Variants in STX1B observed in about 807,000 individuals in gnomAD.
The protein encoded by STX1B is syntaxin 1B.
A neutral mutation model predicts 39.4 loss-of-function variants in STX1B; 7 were observed. That is an observed-to-expected ratio of 0.18 (90% CI 0.10 to 0.33). The LOEUF is 0.33. Ranked by LOEUF, STX1B falls within the 10% of genes least tolerant of loss-of-function variation. The probability of loss-of-function intolerance (pLI) is 1.00; values close to 1 mark genes in which losing one functional copy is unlikely to be tolerated. For missense variants in STX1B, 198 were observed against 383.2 expected (o/e 0.52, Z 4.04); for synonymous variants, 136 against 144.1 (o/e 0.94, Z 0.40).
rs61738725 is a variant in STX1B, at chr16:30,990,167, C to A, written c.*2654G>T. 6.6e-6 allele frequency: 1 copy of A among 151,982 alleles called. No individual in the cohort carries two copies. Among genetic ancestry groups the A allele is most frequent in the Non-Finnish European group, 1.5e-5 (1 of 67,976 alleles). 9.4% of individuals were successfully genotyped at this position (151,982 alleles called of 1,614,324 possible). The stretch of plus-strand genomic sequence containing the variant: ...AGTGGTGCCCCAGCCACGCTTCAAC[C>A]CTTCTCCTGTGGCCCCAAGGCCGTG... On this transcript the variant is annotated 3_prime_UTR_variant, in exon 10 of 10. Coordinates refer to ENST00000215095, the MANE Select transcript of STX1B (RefSeq NM_052874.5).
intron 4 of STX1B, among the ~76,000 whole-genome samples, chr16:30,999,405 C>T (rs567908132): frequency 2.9e-4 from 44 of 152,256 alleles, no homozygotes; most frequent in Admixed American, 5.9e-4. Flanking sequence ...CAATGTGCCT[C>T]GGACATTGGA....
Position 31,001,525 on chromosome 16 carries a change from T to C in STX1B, c.105+4A>G. On this transcript the variant is annotated splice_donor_region_variant and intron_variant, in intron 2 of 9. Transcript: ENST00000215095. The surrounding 1 kb of genome is among the most constrained non-coding windows in gnomAD (Gnocchi z 5.5). ...TGGGGCTGGGGGCCTTGGAGGCCCA[T>C]TACCTGTTCAAAGAACTCATCCATG... 2 of 1,607,440 alleles carry C rather than the reference T, an allele frequency of 1.2e-6. No homozygotes were observed. The highest frequency in any genetic ancestry group is 1.7e-6 in the Non-Finnish European group (2 of 1,177,436).
chr16:31,002,046 C>G (rs1044802910), intron 1 of STX1B, among the ~76,000 whole-genome samples: 1 of 152,156 alleles, frequency 6.6e-6, no homozygotes. Flanking sequence ...TCCTGCCCCA[C>G]CTGACCAGAC....
In STX1B at chr16:30,991,366, G is replaced by T. The variant is rs12932701; in HGVS notation, c.*1455C>A. 1 of 152,734 alleles carries T rather than the reference G, an allele frequency of 6.5e-6. No individual in the cohort carries two copies. The highest frequency in any genetic ancestry group is 6.5e-5 in the Admixed American group (1 of 15,290). 9.5% of individuals were successfully genotyped at this position (152,734 alleles called of 1,614,324 possible). On this transcript the variant is annotated 3_prime_UTR_variant, in exon 10 of 10. Transcript: ENST00000215095. The stretch of plus-strand genomic sequence containing the variant: ...GCATGCAGAGCCCTGAGGCTGGGCA[G>T]GCAGGGAGCTCTGCCTGCACAATGA...
In STX1B at chr16:31,001,491, G is replaced by GTCT. The variant is rs764179561; in HGVS notation, c.105+37_105+38insAGA. ...ACTAGGGGCTGGGGCTGGGTGCTGG[G>GTCT]GCTGGGGCTGGGGCTGGGGGCCTTG... On this transcript the variant is annotated intron_variant, in intron 2 of 9. Transcript: ENST00000215095. This position sits in a 1 kb window ranked among gnomAD's most constrained non-coding sequence, Gnocchi z 5.5. 5.4e-5 allele frequency: 80 copies of GTCT among 1,495,030 alleles called. No homozygotes were observed. Among genetic ancestry groups the GTCT allele is most frequent in the Non-Finnish European group, 1.7e-5 (19 of 1,093,306 alleles). The allele number at this position is 1,495,030 out of a possible 1,614,324, so 92.6% of individuals were successfully genotyped here.
At chr16:31,006,321 C>G (rs1171723709) in intron 1 of STX1B, among the ~76,000 whole-genome samples, 2 of 152,194 alleles carry the variant, frequency 1.3e-5, no homozygotes, top group African/African-American at 4.8e-5. Context: ...CCCTCTCACC[C>G]TGACCTCTCT....
rs906468962 is a variant in STX1B at position 30,992,740 on chromosome 16, G to A, written c.*81C>T. Reference sequence around the variant, plus strand: ...GTTTTGGGAGTGAGCCTGGAGCAGGGGATGGAGTGAAAGGGGTGGTGGGGG... The same window carrying A: ...GTTTTGGGAGTGAGCCTGGAGCAGGAGATGGAGTGAAAGGGGTGGTGGGGG... On this transcript the variant is annotated 3_prime_UTR_variant, in exon 10 of 10. Transcript: ENST00000215095. 2 of 845,360 alleles carry A rather than the reference G, an allele frequency of 2.4e-6. No individual in the cohort carries two copies. The highest frequency in any genetic ancestry group is 3.9e-6 in the Non-Finnish European group (2 of 514,494). 52.4% of individuals were successfully genotyped at this position (845,360 alleles called of 1,614,324 possible). A position where few individuals can be genotyped will look rare whatever the true frequency, so the allele number is the denominator to read the frequency against.
At position 30,989,614 on chromosome 16, in the gene STX1B, CAG is replaced by C. The variant is rs1223149357; in HGVS notation, c.*3205_*3206del. 2.0e-5 allele frequency: 3 copies of C among 152,312 alleles called. No individual in the cohort carries two copies. Among genetic ancestry groups the C allele is most frequent in the East Asian group, 1.9e-4 (1 of 5,174 alleles). The allele number at this position is 152,312 out of a possible 1,614,324, so 9.4% of individuals were successfully genotyped here. On this transcript the variant is annotated 3_prime_UTR_variant, in exon 10 of 10. Transcript: ENST00000215095. Reference sequence around the variant, plus strand: ...TACATCACGTGACACGCCAGTGACACAGAAACACACGCCAACGCACACGGCTG... The same window carrying C: ...TACATCACGTGACACGCCAGTGACACAAACACACGCCAACGCACACGGCTG...
chr16:30,994,401 T>C (rs145995810), intron 7 of STX1B, among the ~76,000 whole-genome samples: 1,352 of 134,304 alleles, frequency 0.01, 15 homozygotes, highest in Non-Finnish European at 0.016. Flanking sequence ...CTGGGCAACA[T>C]AGTGAGACTT....
chr16:30,994,602 AAG>A (rs1445546836), intron 7 of STX1B, among the ~76,000 whole-genome samples: 1 of 136,652 alleles, frequency 7.3e-6, no homozygotes, highest in African/African-American at 2.6e-5. Flanking sequence ...AAAAAAAAAA[AAG>A]AAAGCCAGTG....
In STX1B at chr16:31,001,382, G is replaced by A; in HGVS notation, c.105+147C>T. The A allele has an allele frequency of 1.2e-6, 1 of 817,200 alleles. No individual in the cohort carries two copies. Among genetic ancestry groups the A allele is most frequent in the Non-Finnish European group, 1.9e-6 (1 of 515,304 alleles). 50.6% of individuals were successfully genotyped at this position (817,200 alleles called of 1,614,324 possible). A position where few individuals can be genotyped will look rare whatever the true frequency, so the allele number is the denominator to read the frequency against. ...TCGGTGGCTAGGGGCTGGGTGCCGG[G>A]GCTGCGGCTGGGCGGTGGGACTAGG... On this transcript the variant is annotated intron_variant, in intron 2 of 9. Coordinates refer to ENST00000215095, the MANE Select transcript of STX1B (RefSeq NM_052874.5). This position sits in a 1 kb window ranked among gnomAD's most constrained non-coding sequence, Gnocchi z 5.5.
intron 7 of STX1B, among the ~76,000 whole-genome samples, chr16:30,994,421 C>CAAAA (rs543652303): frequency 0.088 from 9,739 of 111,014 alleles, 1,246 homozygotes; most frequent in African/African-American, 0.33. Flanking sequence ...TTGTTTCTAT[C>CAAAA]AAAAAAAAAA....
intron 6 of STX1B, 52 bp downstream of exon 6, chr16:30,996,899 G>A (rs1271235395): frequency 6.3e-7 from 1 of 1,576,094 alleles, no homozygotes; most frequent in Non-Finnish European, 8.7e-7. Flanking sequence ...CCTGGAAGGG[G>A]GCTTGGGCAG....
At chr16:31,008,526 C>T (rs2056665533) in intron 1 of STX1B, among the ~76,000 whole-genome samples, 1 of 152,104 alleles carries the variant, frequency 6.6e-6, no homozygotes, top group Admixed American at 6.6e-5. Flanking sequence ...TGGAATAGTC[C>T]TGGTAGCAGG....
In STX1B at chr16:30,991,279, C is replaced by T. The variant is rs2056556013; in HGVS notation, c.*1542G>A. On this transcript the variant is annotated 3_prime_UTR_variant, in exon 10 of 10. Transcript: ENST00000215095. ...GTGTGAGCACACTGAGGGGTACCAG[C>T]TTCCAGGGGCTCGGGGCTATGCTGG... is the stretch of plus-strand genomic sequence containing the variant. The T allele has an allele frequency of 6.5e-6, 1 of 152,826 alleles. No homozygotes were observed. Among genetic ancestry groups the T allele is most frequent in the African/African-American group, 2.4e-5 (1 of 41,464 alleles). The allele number at this position is 152,826 out of a possible 1,614,324, so 9.5% of individuals were successfully genotyped here. A position where few individuals can be genotyped will look rare whatever the true frequency, so the allele number is the denominator to read the frequency against.
chr16:31,004,283 G>A (rs1181360314), intron 1 of STX1B, among the ~76,000 whole-genome samples: 5 of 152,216 alleles, frequency 3.3e-5, no homozygotes, highest in Admixed American at 6.5e-5. Flanking sequence ...ACTGTTCTAT[G>A]TGCTCCACAT....
chr16:30,995,992 C>A (rs1462640600), intron 7 of STX1B, among the ~76,000 whole-genome samples: 1 of 151,972 alleles, frequency 6.6e-6, no homozygotes, highest in Non-Finnish European at 1.5e-5. Context: ...GCCTGGGCAA[C>A]AGAGGAAGAC....
At chr16:31,008,298 C>T (rs931417899) in intron 1 of STX1B, among the ~76,000 whole-genome samples, 3 of 147,144 alleles carry the variant, frequency 2.0e-5, no homozygotes, top group African/African-American at 7.5e-5. Flanking sequence ...GCCACCACAT[C>T]CACTCAGCCC....
At chr16:30,997,600 G>A (rs1396678758) in intron 4 of STX1B, 25 bp from the exon 5 acceptor site, 3 of 1,591,482 alleles carry the variant, frequency 1.9e-6, no homozygotes, top group Non-Finnish European at 2.6e-6. Context: ...GCGCAGCGAT[G>A]GGCGGGAGAC....
Sources: gnomAD v4.1 joint callset for allele counts (sites outside exome capture counted in the v4.1 genomes callset) on GRCh38, gnomAD v4.1.1 for gene constraint, Gnocchi (gnomAD v3.1) non-coding constraint, MANE v1.5 for transcripts, NCBI Gene and HGNC (gene_info 2026-07-23, HGNC 2026-07-21) for gene names.